Variants in PTPRT observed in about 807,000 individuals in gnomAD.
The protein encoded by PTPRT is receptor-type tyrosine-protein phosphatase T.
PTPRT carries 56 observed loss-of-function variants against 176.8 expected under a neutral mutation model. The observed-to-expected ratio is 0.32, with a 90% CI of 0.26 to 0.40. The LOEUF is 0.40. PTPRT is among the 10% of genes least tolerant of loss of function. PTPRT has a pLI of 1.00. For synonymous variants in PTPRT, 783 were observed against 739.0 expected (o/e 1.06, Z -0.96); for missense variants, 1,540 against 1,908.2 (o/e 0.81, Z 3.60).
At chr20:42,157,849 TCTGAG>T (rs1989429941) in intron 17 of PTPRT, among the ~76,000 whole-genome samples, 1 of 152,224 alleles carries the variant, frequency 6.6e-6, no homozygotes, top group African/African-American at 2.4e-5. Context: ...CCTATGGAGT[TCTGAG>T]CCACCATGGA....
chr20:42,696,399 A>T (rs989737040), intron 6 of PTPRT, among the ~76,000 whole-genome samples: 2 of 151,404 alleles, frequency 1.3e-5, no homozygotes, highest in Non-Finnish European at 2.9e-5. Context: ...TCATAAAGAA[A>T]CACATATTTA....
downstream of PTPRT, among the ~76,000 whole-genome samples, chr20:42,068,849 C>T (rs1381307338): frequency 5.3e-5 from 8 of 152,204 alleles, no homozygotes. Context: ...AGTCAGTCCT[C>T]ATTATAACCC....
chr20:42,278,755 G>T (rs1251782424), intron 13 of PTPRT, among the ~76,000 whole-genome samples: 3 of 152,104 alleles, frequency 2.0e-5, no homozygotes, highest in Admixed American at 2.0e-4. Flanking sequence ...GCAACCTGGG[G>T]CATCTTCTAC....
chr20:43,066,571 A>T (rs2011113693), intron 1 of PTPRT, among the ~76,000 whole-genome samples: 1 of 152,178 alleles, frequency 6.6e-6, no homozygotes, highest in Non-Finnish European at 1.5e-5. Flanking sequence ...TTCTGGCTAC[A>T]TTCCTGTGTA....
At chr20:42,800,044 CCTCTT>C (rs2077507649) in intron 2 of PTPRT, among the ~76,000 whole-genome samples, 1 of 152,144 alleles carries the variant, frequency 6.6e-6, no homozygotes, top group African/African-American at 2.4e-5. Context: ...CTCAGTCACT[CCTCTT>C]CTTAACAATA....
chr20:42,571,989 C>A (rs2073163191), intron 7 of PTPRT, among the ~76,000 whole-genome samples: 1 of 152,156 alleles, frequency 6.6e-6, no homozygotes, highest in African/African-American at 2.4e-5. Context: ...TAACCACATA[C>A]CATAGACAGG....
intron 6 of PTPRT, among the ~76,000 whole-genome samples, chr20:42,706,922 G>T (rs1443081963): frequency 6.6e-6 from 1 of 152,196 alleles, no homozygotes; most frequent in Non-Finnish European, 1.5e-5. Flanking sequence ...AATCCAATTT[G>T]GCTGGTGTCT....
chr20:43,186,102 G>C (rs1316834777), intron 1 of PTPRT, among the ~76,000 whole-genome samples: 2 of 152,304 alleles, frequency 1.3e-5, no homozygotes, highest in South Asian at 2.1e-4. Context: ...TATGTACCAG[G>C]CACTCTTCCA....
intron 9 of PTPRT, among the ~76,000 whole-genome samples, chr20:42,415,450 G>A (rs1030454034): frequency 9.9e-5 from 15 of 152,076 alleles, no homozygotes; most frequent in Non-Finnish European, 1.0e-4. Flanking sequence ...AGCCTCAAGC[G>A]ACAGTCCTGC....
At chr20:43,137,690 C>T (rs2013876929) in intron 1 of PTPRT, among the ~76,000 whole-genome samples, 1 of 152,212 alleles carries the variant, frequency 6.6e-6, no homozygotes, top group Non-Finnish European at 1.5e-5. Flanking sequence ...ATAGTGGCCT[C>T]TCTCCTTTGC....
rs2145523315 is a variant in PTPRT at position 42,352,147 on chromosome 20, T to C, written c.1699A>G (p.Lys567Glu). The C allele has an allele frequency of 6.2e-7, 1 of 1,614,092 alleles. No homozygotes were observed. The highest frequency in any genetic ancestry group is 1.1e-5 in the South Asian group (1 of 91,080). ...CCAAAGCCCTTTGCTGTGCTGGCCT[T>C]GATGGTGAAGGAATAGGTGGTCCCT... Reference protein sequence around the residue: ...YPGTTYSFTIKASTAKGFGPP... With the variant: ...YPGTTYSFTIEASTAKGFGPP... The change falls in exon 10 of 31, where the codon AAG (lysine) becomes GAG (glutamate). Residue 567 changes from lysine (K) to glutamate (E), a missense_variant. Transcript: ENST00000373187.
intron 7 of PTPRT, among the ~76,000 whole-genome samples, chr20:42,653,612 C>G (rs760307372): frequency 6.6e-6 from 1 of 152,090 alleles, no homozygotes; most frequent in Admixed American, 6.6e-5. Flanking sequence ...TCCCTGACAG[C>G]GTATTAAGAT....
At chr20:42,247,084 C>A (rs2056464520) in intron 14 of PTPRT, among the ~76,000 whole-genome samples, 1 of 152,124 alleles carries the variant, frequency 6.6e-6, no homozygotes, top group African/African-American at 2.4e-5. Flanking sequence ...GGCTATTCAC[C>A]CCCAATATTA....
chr20:42,893,682 T>TA (rs1409428716), intron 1 of PTPRT, among the ~76,000 whole-genome samples: 1 of 151,740 alleles, frequency 6.6e-6, no homozygotes, highest in Non-Finnish European at 1.5e-5. Context: ...TATGCAGCCA[T>TA]AAAAAATGAT....
At chr20:42,168,941 G>A (rs960649659) in intron 16 of PTPRT, among the ~76,000 whole-genome samples, 21 of 152,160 alleles carry the variant, frequency 1.4e-4, no homozygotes, top group Non-Finnish European at 1.3e-4. Context: ...TAGTAGGGTT[G>A]AACTTGTAGA....
chr20:42,996,477 T>C (rs774816893), intron 1 of PTPRT, among the ~76,000 whole-genome samples: 6 of 152,338 alleles, frequency 3.9e-5, no homozygotes, highest in South Asian at 2.1e-4. Flanking sequence ...CCTTCCAGAC[T>C]GGCACAAAAA....
rs372980897 is a variant in PTPRT, at chr20:42,775,204, C to A, written c.569-3654G>T. Among the ~76,000 whole-genome samples, 26 of 152,138 alleles carry A rather than the reference C, an allele frequency of 1.7e-4. 1 individual carries two copies. The South Asian group carries it at 4.8e-3, about 28-fold the overall frequency. On this transcript the variant is annotated intron_variant, in intron 4 of 30. Transcript: ENST00000373187. Reference sequence around the variant, plus strand: ...TGCATTTGGGGCAAAAATGCCTTGACGTTAGTGACATTTAGACGCCTACAG... The same window carrying A: ...TGCATTTGGGGCAAAAATGCCTTGAAGTTAGTGACATTTAGACGCCTACAG...
At chr20:42,451,655 G>C (rs1381024420) in intron 8 of PTPRT, among the ~76,000 whole-genome samples, 1 of 152,166 alleles carries the variant, frequency 6.6e-6, no homozygotes, top group Non-Finnish European at 1.5e-5. Context: ...TCCAAAGAAG[G>C]AAAGAGGCTC....
intron 22 of PTPRT, 103 bp from the exon 23 acceptor site, chr20:42,110,590 G>T: frequency 7.9e-7 from 1 of 1,272,470 alleles, no homozygotes; most frequent in South Asian, 1.8e-5. Flanking sequence ...CTCCCGCAGG[G>T]ACAGGGCCCT....
Sources: gnomAD v4.1 joint callset for allele counts (sites outside exome capture counted in the v4.1 genomes callset) on GRCh38, gnomAD v4.1.1 for gene constraint, MANE v1.5 for transcripts, NCBI Gene and HGNC (gene_info 2026-07-23, HGNC 2026-07-21) for gene names.